CPSF1: variants seen among roughly 807,000 people sequenced by gnomAD.
The protein encoded by CPSF1 is cleavage and polyadenylation specificity factor subunit 1.
Under a neutral mutation model 175.8 loss-of-function variants are expected in CPSF1, and 106 were observed. The ratio of observed to expected loss-of-function variants is 0.60; its 90% CI spans 0.52 to 0.71. The LOEUF (loss-of-function observed/expected upper bound fraction) is 0.71. Among genes scored for constraint, CPSF1 ranks in the 30% least tolerant of loss-of-function variants. The pLI is 0.00. For synonymous variants in CPSF1, 1,024 were observed against 858.3 expected, an observed-to-expected ratio of 1.19 and a Z score of -3.37; for missense variants, 1,734 against 2,022.9, an observed-to-expected ratio of 0.86 and a Z score of 2.74.
chr8:144,396,003 G>A (rs143589376), intron 26 of CPSF1: 3 of 411,634 alleles, frequency 7.3e-6, no homozygotes, highest in Non-Finnish European at 1.3e-5. Context: ...GAGAAAGCCT[G>A]TGTGCCCTCC....
chr8:144,395,210 G>T, intron 28 of CPSF1, 28 bp from the exon 29 acceptor site: 1 of 1,612,808 alleles, frequency 6.2e-7, no homozygotes, highest in South Asian at 1.1e-5. Flanking sequence ...GACAGTCAGA[G>T]TAGGGCTTCC....
At chr8:144,395,237 GAT>G in intron 28 of CPSF1, 26 bp downstream of exon 28, 1 of 1,613,024 alleles carries the variant, frequency 6.2e-7, no homozygotes, top group African/African-American at 1.3e-5. Context: ...TGCGGCTGAG[GAT>G]GGGAGTATGG....
Position 144,399,781 on chromosome 8 carries a change from G to A in CPSF1, c.1119C>T (p.Ser373=), listed in dbSNP as rs2116866225. ...GACCCAACCCCTAGTCCCAACTCAC[G>A]CTGGTGGTGAGGACGCTGGCGGCCG... is the stretch of plus-strand genomic sequence containing the variant. ...DKAAASVLTT[S]MVTMEPGYLF... Residue 373 remains serine, a splice_region_variant and synonymous_variant, in exon 11 of 38, where the codon AGC becomes AGT. Coordinates refer to ENST00000616140, the MANE Select transcript of CPSF1 (RefSeq NM_013291.3). The surrounding 1 kb of genome is among the most constrained non-coding windows in gnomAD (Gnocchi z 6.4). The A allele has an allele frequency of 1.8e-5, 29 of 1,577,522 alleles. No homozygotes were observed. The Admixed American group carries it at 4.6e-4, about 25-fold the overall frequency.
Position 144,397,511 on chromosome 8 carries a change from C to G in CPSF1, c.2361G>C (p.Leu787=), listed in dbSNP as rs1337653208. 1.3e-6 allele frequency: 2 copies of G among 1,586,146 alleles called. No individual in the cohort carries two copies. Among genetic ancestry groups the G allele is most frequent in the East Asian group, 2.3e-5 (1 of 44,308 alleles). Residue 787 remains leucine (L), a synonymous_variant, in exon 22 of 38, where the codon CTG becomes CTC. Coordinates refer to ENST00000616140, the MANE Select transcript of CPSF1 (RefSeq NM_013291.3). The part of the protein sequence containing the change: ...FRAEPTHWCL[L]VRENGTMEIY... ...CCTCCATGGTGCCATTCTCCCGCACCAGCAGGCACCAGTGGGTAGGCTCTG... is the reference window on the plus strand; with the variant it reads ...CCTCCATGGTGCCATTCTCCCGCACGAGCAGGCACCAGTGGGTAGGCTCTG...
chr8:144,394,803 G>T lies in CPSF1; in HGVS notation c.3415-7C>A, dbSNP rs367824828. ...TCACATCCATGATCAAGATCTGGAG[G>T]GCATGGGTATGGCTGTGGGATGGCT... On this transcript the variant is annotated splice_region_variant and splice_polypyrimidine_tract_variant and intron_variant, in intron 30 of 37. Transcript: ENST00000616140. 6.2e-7 allele frequency: 1 copy of T among 1,613,550 alleles called. No homozygotes were observed. Among genetic ancestry groups the T allele is most frequent in the Non-Finnish European group, 8.5e-7 (1 of 1,179,932 alleles).
At position 144,400,651 on chromosome 8, in the gene CPSF1, G is replaced by A. The variant is rs199661526; in HGVS notation, c.686+20C>T. The A allele has an allele frequency of 7.0e-5, 112 of 1,600,462 alleles. No individual in the cohort carries two copies. The African/African-American group carries it at 9.5e-4, about 14-fold the overall frequency. ...AGCTAGGGGGCCCACAGTGCAGAGG[G>A]GCCTCCTTAGGGGGCTCACCCAGGC... is the stretch of plus-strand genomic sequence containing the variant. On this transcript the variant is annotated intron_variant, in intron 7 of 37. Coordinates refer to ENST00000616140, the MANE Select transcript of CPSF1 (RefSeq NM_013291.3).
intron 2 of CPSF1, among the ~76,000 whole-genome samples, chr8:144,403,379 C>A (rs868989261): frequency 6.6e-6 from 1 of 152,040 alleles, no homozygotes; most frequent in East Asian, 1.9e-4. Context: ...CAGGCATGAG[C>A]CACCACGCCA....
Position 144,399,740 on chromosome 8 carries a change from G to T in CPSF1, c.1120-30C>A. ...GGGAGGGCAGGTGTGTGATGGCTGG[G>T]CCGGGTCTGGACCCAGACCCAACCC... On this transcript the variant is annotated intron_variant, in intron 11 of 37. Transcript: ENST00000616140. This position sits in a 1 kb window ranked among gnomAD's most constrained non-coding sequence, Gnocchi z 6.4. 1 of 1,600,448 alleles carries T rather than the reference G, an allele frequency of 6.2e-7. No homozygotes were observed. Among genetic ancestry groups the T allele is most frequent in the African/African-American group, 1.3e-5 (1 of 74,766 alleles).
At chr8:144,394,617 GAC>G (rs782350061) in intron 31 of CPSF1, 25 bp downstream of exon 31, 12 of 1,601,814 alleles carry the variant, frequency 7.5e-6, no homozygotes, top group African/African-American at 5.3e-5. Context: ...TGAGCCGGGG[GAC>G]ACACGCCGGG....
At position 144,393,762 on chromosome 8, in the gene CPSF1, G is replaced by A; in HGVS notation, c.4050C>T (p.Pro1350=). 6.3e-7 allele frequency: 1 copy of A among 1,592,614 alleles called. No individual in the cohort carries two copies. ...TLDGGIGLLL[P]MQEKTYRRLL... is the part of the protein sequence containing the mutation. ...GCCGCCGGTAGGTCTTCTCCTGCAT[G>A]GGCAGCAGCAGCCCGATGCCGCCGT... Residue 1350 remains proline (P), a synonymous_variant, in exon 36 of 38, where the codon CCC becomes CCT. Coordinates refer to ENST00000616140, the MANE Select transcript of CPSF1 (RefSeq NM_013291.3).
At position 144,400,992 on chromosome 8, in the gene CPSF1, C is replaced by A; in HGVS notation, c.471G>T (p.Thr157=). 1 of 1,610,558 alleles carries A rather than the reference C, an allele frequency of 6.2e-7. No individual in the cohort carries two copies. The highest frequency in any genetic ancestry group is 1.1e-5 in the South Asian group (1 of 90,930). ...TGCGGAAGGGCAGGACCACCAGCCGCGTGCCGTAGACAAGCATGGCTGCAC... is the reference window on the plus strand; with the variant it reads ...TGCGGAAGGGCAGGACCACCAGCCGAGTGCCGTAGACAAGCATGGCTGCAC... ...GRCAAMLVYG[T]RLVVLPFRRE... The change falls in exon 6 of 38, where the codon ACG becomes ACT. Residue 157 remains threonine, a synonymous_variant. Coordinates refer to ENST00000616140, the MANE Select transcript of CPSF1 (RefSeq NM_013291.3).
In CPSF1 at chr8:144,393,384, T is replaced by C; in HGVS notation, c.4285-19A>G. 2 of 458,196 alleles carry C rather than the reference T, an allele frequency of 4.4e-6. No homozygotes were observed. Among genetic ancestry groups the C allele is most frequent in the South Asian group, 4.2e-5 (2 of 47,218 alleles). The allele number at this position is 458,196 out of a possible 1,614,324, so 28.4% of individuals were successfully genotyped here. On this transcript the variant is annotated intron_variant, in intron 37 of 37. Transcript: ENST00000616140. ...CCAGGATCTGCAGGGGATGGAAGGG[T>C]GGGTGGGTGGGTGGGTGGGGATGCA... is the stretch of plus-strand genomic sequence containing the variant.
In CPSF1 at chr8:144,398,076, C is replaced by T. The variant is rs782245666; in HGVS notation, c.1951G>A (p.Val651Met). ...ATGATGACCACATAGGGGTCGGCCA[C>T]GGCGCACTGCACGATGGGGGCGCCC... ...DLGAPIVQCA[V>M]ADPYVVIMSA... The change falls in exon 20 of 38, where the codon GTG becomes ATG. Residue 651 changes from valine (V) to methionine (M), a missense_variant. Val to Met is a conservative substitution (Grantham distance 21). This residue lies in a region of CPSF1 where 280 missense variants were observed against 349.2 expected (regional missense o/e 0.80). Coordinates refer to ENST00000616140, the MANE Select transcript of CPSF1 (RefSeq NM_013291.3). The T allele has an allele frequency of 2.3e-5, 37 of 1,611,650 alleles. No individual in the cohort carries two copies. Among genetic ancestry groups the T allele is most frequent in the South Asian group, 3.3e-5 (3 of 90,926 alleles).
rs2116912906 is a variant in CPSF1 at position 144,409,057 on chromosome 8, C to A, written c.102G>T (p.Gly34=). 6.8e-6 allele frequency: 11 copies of A among 1,613,664 alleles called. No individual in the cohort carries two copies. Among genetic ancestry groups the A allele is most frequent in the Non-Finnish European group, 9.3e-6 (11 of 1,179,920 alleles). Residue 34 remains glycine (G), a synonymous_variant, in exon 2 of 38, where the codon GGG becomes GGT. Transcript: ENST00000616140. ...GGCGGTACACGTAGAGCTGCGAGGT[C>A]CCGGCCACTACCAGGTTGCGCTCGC... ...NNSERNLVVA[G]TSQLYVYRLN...
At chr8:144,408,672 T>TC (rs1167746419) in intron 2 of CPSF1, among the ~76,000 whole-genome samples, 1 of 152,190 alleles carries the variant, frequency 6.6e-6, no homozygotes, top group Non-Finnish European at 1.5e-5. Flanking sequence ...ATGTTCCCCT[T>TC]CCCCAAGTGT....
rs2116854677 is a variant in CPSF1, at chr8:144,398,771, G to A, written c.1638+8C>T. On this transcript the variant is annotated splice_region_variant and intron_variant, in intron 17 of 37. Transcript: ENST00000616140. ...CCCAGGGCCTCCCTGCAGCAGGCTC[G>A]CACCTACCTCCTCCTTACGCACCGG... The A allele has an allele frequency of 2.8e-5, 44 of 1,592,342 alleles. No individual in the cohort carries two copies. Among genetic ancestry groups the A allele is most frequent in the Non-Finnish European group, 3.5e-5 (41 of 1,166,052 alleles).
Position 144,400,153 on chromosome 8 carries a change from AC to A in CPSF1, c.937+12del. The A allele has an allele frequency of 4.2e-6, 2 of 474,554 alleles. No individual in the cohort carries two copies. The highest frequency in any genetic ancestry group is 6.2e-6 in the Non-Finnish European group (2 of 324,110). 29.4% of individuals were successfully genotyped at this position (474,554 alleles called of 1,614,324 possible). On this transcript the variant is annotated intron_variant, in intron 9 of 37. Transcript: ENST00000616140. ...TCCCCGGGCCCCCCCCGCCCCAGCC[AC>A]CCCACACTCACGAAGCGGGAAAGCC...
At position 144,400,108 on chromosome 8, in the gene CPSF1, G is replaced by A. The variant is rs2116870255; in HGVS notation, c.938-23C>T. 6.3e-5 allele frequency: 99 copies of A among 1,580,620 alleles called. No homozygotes were observed. The Middle Eastern group carries it at 1.2e-3, about 19-fold the overall frequency. ...TGCCTGTGGGGTGGGTGGTCAGGCC[G>A]ACTAGGCAGGCCCAAGCCGTCCCCG... On this transcript the variant is annotated intron_variant, in intron 9 of 37. Transcript: ENST00000616140.
At chr8:144,400,127 G>T (rs2116870628) in intron 9 of CPSF1, 39 bp downstream of exon 9, 5 of 1,164,282 alleles carry the variant, frequency 4.3e-6, no homozygotes, top group Non-Finnish European at 4.6e-6. Context: ...GGCCCAAGCC[G>T]TCCCCGGGCC....
Sources: gnomAD v4.1 joint callset for allele counts (sites outside exome capture counted in the v4.1 genomes callset) on GRCh38, gnomAD v4.1.1 for gene constraint, gnomAD v4.1.1 regional missense constraint, Gnocchi (gnomAD v3.1) non-coding constraint, MANE v1.5 for transcripts, NCBI Gene and HGNC (gene_info 2026-07-23, HGNC 2026-07-21) for gene names.